RABGAP1L: variants seen among roughly 807,000 people sequenced by gnomAD.
The protein encoded by RABGAP1L is RAB GTPase activating protein 1 like.
In RABGAP1L, 63 loss-of-function variants were observed where a neutral mutation model predicts 137.7. That is an observed-to-expected ratio of 0.46 (90% CI 0.37 to 0.56). The LOEUF (loss-of-function observed/expected upper bound fraction) is 0.56, where lower values mean the gene tolerates loss of function less well. RABGAP1L is among the 20% of genes least tolerant of loss of function. The pLI, the probability that RABGAP1L is intolerant of heterozygous loss-of-function variation, is 0.00. For missense variants in RABGAP1L, 1,095 were observed against 1,244.0 expected, an observed-to-expected ratio of 0.88 and a Z score of 1.80; for synonymous variants, 431 against 433.7, an observed-to-expected ratio of 0.99 and a Z score of 0.08.
intron 13 of RABGAP1L, among the ~76,000 whole-genome samples, chr1:174,475,464 G>T (rs146146832): frequency 6.6e-6 from 1 of 151,930 alleles, no homozygotes; most frequent in East Asian, 1.9e-4. Context: ...ACAATGCCAG[G>T]GACACAATAT....
chr1:174,271,006 G>A (rs1372777438), intron 7 of RABGAP1L, among the ~76,000 whole-genome samples: 1 of 152,094 alleles, frequency 6.6e-6, no homozygotes, highest in Non-Finnish European at 1.5e-5. Context: ...AAATAGTACA[G>A]TGAATTGCAT....
chr1:174,616,170 C>T (rs188802602), intron 13 of RABGAP1L, among the ~76,000 whole-genome samples: 6 of 152,348 alleles, frequency 3.9e-5, no homozygotes, highest in East Asian at 3.9e-4. Flanking sequence ...TCTTCTGCGT[C>T]GCTCATGCTA....
At position 174,298,942 on chromosome 1, in the gene RABGAP1L, C is replaced by A. The variant is rs193276364; in HGVS notation, c.1324-6044C>A. 5.9e-5 allele frequency among the ~76,000 whole-genome samples: 9 copies of A among 152,286 alleles called. No individual in the cohort carries two copies. In the South Asian group the frequency reaches 1.0e-3, roughly 18 times the overall value. On this transcript the variant is annotated intron_variant, in intron 10 of 25. Coordinates refer to ENST00000681986, the MANE Select transcript of RABGAP1L (RefSeq NM_001366446.1). The stretch of plus-strand genomic sequence containing the variant: ...TTGCTGGTTAGTTCACAGGAACAAG[C>A]AGGGTTAGTCTAAAATGTAGGTGAA...
intron 13 of RABGAP1L, among the ~76,000 whole-genome samples, chr1:174,582,183 G>A (rs570320961): frequency 6.6e-6 from 1 of 152,188 alleles, no homozygotes; most frequent in South Asian, 2.1e-4. Context: ...ACCAGTCTGG[G>A]CAACATGGCA....
intron 11 of RABGAP1L, among the ~76,000 whole-genome samples, chr1:174,322,997 C>T (rs74128343): frequency 0.035 from 5,275 of 152,070 alleles, 119 homozygotes; most frequent in Middle Eastern, 0.089. Context: ...ATGAAAAATA[C>T]GTGTAACTAG....
At chr1:174,942,716 C>T (rs1031137891) in intron 19 of RABGAP1L, among the ~76,000 whole-genome samples, 9 of 152,210 alleles carry the variant, frequency 5.9e-5, no homozygotes, top group Non-Finnish European at 1.2e-4. Flanking sequence ...GTTTGCTGTT[C>T]CTGCAGTGAT....
intron 19 of RABGAP1L, among the ~76,000 whole-genome samples, chr1:174,868,418 C>T (rs893328317): frequency 6.6e-6 from 1 of 152,170 alleles, no homozygotes; most frequent in African/African-American, 2.4e-5. Context: ...TCCCCCTTCC[C>T]CATTTACCTC....
intron 17 of RABGAP1L, among the ~76,000 whole-genome samples, chr1:174,724,025 A>G (rs889915179): frequency 6.6e-6 from 1 of 152,182 alleles, no homozygotes; most frequent in East Asian, 1.9e-4. Flanking sequence ...ATTGTGGATT[A>G]TTTGTTGCTT....
At chr1:174,550,885 T>C (rs182065911) in intron 13 of RABGAP1L, among the ~76,000 whole-genome samples, 843 of 54,212 alleles carry the variant, frequency 0.016, 53 homozygotes, top group African/African-American at 0.034. Flanking sequence ...TATATATATA[T>C]ATATATATAT....
At chr1:174,905,811 A>G (rs1157255396) in intron 19 of RABGAP1L, among the ~76,000 whole-genome samples, 1 of 152,150 alleles carries the variant, frequency 6.6e-6, no homozygotes, top group Non-Finnish European at 1.5e-5. Flanking sequence ...AGATCGCGCC[A>G]CTGTACTCTA....
At chr1:174,443,620 A>G (rs565067198) in intron 13 of RABGAP1L, among the ~76,000 whole-genome samples, 1 of 151,498 alleles carries the variant, frequency 6.6e-6, no homozygotes, top group African/African-American at 2.4e-5. Context: ...ATATTTTCCC[A>G]TTTTTTAGGT....
intron 13 of RABGAP1L, among the ~76,000 whole-genome samples, chr1:174,533,752 C>A (rs1490366825): frequency 6.6e-6 from 1 of 152,012 alleles, no homozygotes; most frequent in Non-Finnish European, 1.5e-5. Flanking sequence ...CTCATTGCAA[C>A]CTCCGCCTCC....
At chr1:174,899,621 T>C (rs1657812429) in intron 19 of RABGAP1L, among the ~76,000 whole-genome samples, 1 of 152,182 alleles carries the variant, frequency 6.6e-6, no homozygotes, top group African/African-American at 2.4e-5. Flanking sequence ...CAGAGTATCC[T>C]CATCCATCCT....
intron 5 of RABGAP1L, chr1:174,243,189 TG>T (rs1427264280): frequency 9.9e-5 from 15 of 152,188 alleles, no homozygotes; most frequent in Admixed American, 2.0e-4. Context: ...GGTATGAAAC[TG>T]TCTTTTGGAT....
rs1171437559 is a variant in RABGAP1L at position 174,327,980 on chromosome 1, C to CATATATATAT, written c.1465+22854_1465+22855insTATATATATA. ...AAATATATATATATATATATATATA[C>CATATATATAT]ACACACATATATATATATATATATA... is the stretch of plus-strand genomic sequence containing the variant. On this transcript the variant is annotated intron_variant, in intron 11 of 25. Transcript: ENST00000681986. Among the ~76,000 whole-genome samples the CATATATATAT allele has an allele frequency of 1.3e-4, 14 of 105,912 alleles. 1 individual carries two copies. The highest frequency in any genetic ancestry group is 5.8e-4 in the African/African-American group (14 of 24,278). The allele number at this position is 105,912 out of a possible 152,430, so 69.5% of individuals were successfully genotyped here. A position where few individuals can be genotyped will look rare whatever the true frequency, so the allele number is the denominator to read the frequency against.
At chr1:174,620,362 A>G (rs1672331100) in intron 13 of RABGAP1L, among the ~76,000 whole-genome samples, 1 of 152,226 alleles carries the variant, frequency 6.6e-6, no homozygotes. Context: ...CACCTAGTCC[A>G]TAATTGACCA....
At position 174,432,882 on chromosome 1, in the gene RABGAP1L, G is replaced by A. The variant is rs188765150; in HGVS notation, c.1710+38737G>A. Among the ~76,000 whole-genome samples the A allele has an allele frequency of 2.3e-3, 348 of 152,266 alleles. 1 individual carries two copies. Among genetic ancestry groups the A allele is most frequent in the Middle Eastern group, 3.4e-3 (1 of 294 alleles). On this transcript the variant is annotated intron_variant, in intron 13 of 25. Coordinates refer to ENST00000681986, the MANE Select transcript of RABGAP1L (RefSeq NM_001366446.1). Reference sequence around the variant, plus strand: ...ACTTTAAAAAAGGAATGGTGAGGGAGTTGGCAATTCAATAGAAAAGAGAAA... The same window carrying A: ...ACTTTAAAAAAGGAATGGTGAGGGAATTGGCAATTCAATAGAAAAGAGAAA...
intron 13 of RABGAP1L, among the ~76,000 whole-genome samples, chr1:174,596,798 C>G (rs1252766090): frequency 6.6e-6 from 1 of 152,084 alleles, no homozygotes; most frequent in African/African-American, 2.4e-5. Flanking sequence ...TGTTCCAGAT[C>G]TTGGAGGAAA....
intron 18 of RABGAP1L, among the ~76,000 whole-genome samples, chr1:174,789,243 A>G (rs1452105923): frequency 6.6e-6 from 1 of 152,200 alleles, no homozygotes; most frequent in Non-Finnish European, 1.5e-5. Context: ...ATAGATCAGT[A>G]ATAGCCTTTT....
Sources: allele counts gnomAD v4.1 joint callset (sites outside exome capture counted in the v4.1 genomes callset), GRCh38; gene constraint gnomAD v4.1.1; transcripts MANE v1.5; gene names NCBI Gene and HGNC (gene_info 2026-07-23, HGNC 2026-07-21).